Variants in ANXA7 observed in about 807,000 individuals in gnomAD.
ANXA7 encodes the protein annexin VII.
In ANXA7, 55 loss-of-function variants were observed where a neutral mutation model predicts 64.9. The observed-to-expected ratio is 0.85, with a 90% CI of 0.68 to 1.06. The LOEUF is 1.06. ANXA7 is among the 50% of genes least tolerant of loss of function. The probability of loss-of-function intolerance (pLI) is 0.00; values close to 1 mark genes in which losing one functional copy is unlikely to be tolerated. For synonymous variants in ANXA7, 200 were observed against 192.4 expected (o/e 1.04, Z -0.33); for missense variants, 548 against 582.1 (o/e 0.94, Z 0.60).
chr10:73,392,679 T>A (rs1384641214), intron 5 of ANXA7, among the ~76,000 whole-genome samples: 3 of 152,102 alleles, frequency 2.0e-5, no homozygotes, highest in Non-Finnish European at 4.4e-5. Context: ...CCTCAATAAA[T>A]TAGGTATTGA....
At chr10:73,395,142 T>C (rs1233682991) in intron 5 of ANXA7, among the ~76,000 whole-genome samples, 1 of 152,214 alleles carries the variant, frequency 6.6e-6, no homozygotes, top group Admixed American at 6.5e-5. Context: ...GAGAGACCGC[T>C]GGTCTAGAAG....
chr10:73,390,847 C>T (rs1022169676), intron 5 of ANXA7, among the ~76,000 whole-genome samples: 1 of 151,656 alleles, frequency 6.6e-6, no homozygotes, highest in Non-Finnish European at 1.5e-5. Context: ...AGAATACTGT[C>T]ATCTTCCAGG....
intron 7 of ANXA7, among the ~76,000 whole-genome samples, chr10:73,387,389 C>CCTGTAG (rs1237125793): frequency 1.3e-5 from 2 of 152,114 alleles, no homozygotes; most frequent in African/African-American, 4.8e-5. Flanking sequence ...ATGCTGTGCA[C>CCTGTAG]CTGTAGTCCC....
At chr10:73,396,700 A>ACCTGT in intron 4 of ANXA7, 117 bp from the exon 5 acceptor site, 1 of 595,916 alleles carries the variant, frequency 1.7e-6, no homozygotes, top group South Asian at 3.2e-5. Flanking sequence ...ACACTATGAT[A>ACCTGT]CTTATGAGGA....
chr10:73,392,499 C>A (rs1260066833), intron 5 of ANXA7, among the ~76,000 whole-genome samples: 2 of 152,172 alleles, frequency 1.3e-5, no homozygotes, highest in African/African-American at 4.8e-5. Flanking sequence ...AAAGCTTATC[C>A]ATCACGATCA....
intron 1 of ANXA7, among the ~76,000 whole-genome samples, chr10:73,412,577 T>G (rs1216494266): frequency 6.7e-6 from 1 of 149,044 alleles, no homozygotes; most frequent in East Asian, 2.0e-4. Context: ...CACTGCAACC[T>G]CTGCCTCCCG....
chr10:73,393,145 G>A (rs2055513773), intron 5 of ANXA7, among the ~76,000 whole-genome samples: 1 of 152,140 alleles, frequency 6.6e-6, no homozygotes, highest in African/African-American at 2.4e-5. Flanking sequence ...CAACTTACAA[G>A]GGATGTGAAG....
intron 1 of ANXA7, among the ~76,000 whole-genome samples, chr10:73,410,526 G>A (rs1340879375): frequency 1.3e-5 from 2 of 152,176 alleles, no homozygotes; most frequent in Non-Finnish European, 2.9e-5. Flanking sequence ...GCCCCCATCT[G>A]TAATCCCAGC....
rs1589658982 is a variant in ANXA7 at position 73,397,014 on chromosome 10, A to G, written c.370+150T>C. 54 of 481,722 alleles carry G rather than the reference A, an allele frequency of 1.1e-4. No homozygotes were observed. In the East Asian group the frequency reaches 1.7e-3, roughly 15 times the overall value. 29.8% of individuals were successfully genotyped at this position (481,722 alleles called of 1,614,324 possible). A position where few individuals can be genotyped will look rare whatever the true frequency, so the allele number is the denominator to read the frequency against. ...GATTAAACTTTTCCATCAATTTAAT[A>G]TATTTCATAAAACCATTATGTTTAA... On this transcript the variant is annotated intron_variant, in intron 4 of 12. Transcript: ENST00000372921.
Position 73,383,628 on chromosome 10 carries a change from G to A in ANXA7, c.696C>T (p.Leu232=). ...CATCGTAATACGTAGGAGGCATGAA[G>A]AGGGCCAGGATCAGTTCTTCCATAT... The part of the protein sequence containing the change: ...SGNMEELILA[L]FMPPTYYDAW... The change falls in exon 8 of 13, where the codon CTC becomes CTT. Residue 232 remains leucine (L), a synonymous_variant. Coordinates refer to ENST00000372921, the MANE Select transcript of ANXA7 (RefSeq NM_001156.5). The A allele has an allele frequency of 1.9e-6, 3 of 1,613,998 alleles. No homozygotes were observed. The highest frequency in any genetic ancestry group is 2.5e-6 in the Non-Finnish European group (3 of 1,179,908).
At chr10:73,393,797 C>T (rs753748635) in intron 5 of ANXA7, among the ~76,000 whole-genome samples, 3 of 152,046 alleles carry the variant, frequency 2.0e-5, no homozygotes, top group African/African-American at 2.4e-5. Context: ...ACATAAGCAT[C>T]GGCAAGGACT....
chr10:73,379,126 G>A (rs1370363982), intron 11 of ANXA7, 103 bp from the exon 12 acceptor site: 2 of 742,634 alleles, frequency 2.7e-6, no homozygotes, highest in African/African-American at 1.8e-5. Flanking sequence ...TATTTTCTCT[G>A]TAATCATCAC....
rs142703167 is a variant in ANXA7 at position 73,390,693 on chromosome 10, AATATAT to A, written c.436-2285_436-2280del. On this transcript the variant is annotated intron_variant, in intron 5 of 12. Transcript: ENST00000372921. ...CATTTTCTGTGATTCTCTTTTGTAA[AATATAT>A]ATATATATATATATATATATAAAAA... Among the ~76,000 whole-genome samples, 175 of 127,462 alleles carry A rather than the reference AATATAT, an allele frequency of 1.4e-3. 4 individuals are homozygous for A. The South Asian group carries it at 0.015, about 11-fold the overall frequency. The allele number at this position is 127,462 out of a possible 152,430, so 83.6% of individuals were successfully genotyped here.
chr10:73,378,369 C>T (rs1230782804), intron 12 of ANXA7, among the ~76,000 whole-genome samples: 2 of 127,814 alleles, frequency 1.6e-5, no homozygotes, highest in African/African-American at 3.2e-5. Flanking sequence ...CAGAGTGAGA[C>T]CATGTCTCAA....
chr10:73,398,175 A>AT lies in ANXA7; in HGVS notation c.259+5_259+6insA. On this transcript the variant is annotated splice_donor_region_variant and intron_variant, in intron 3 of 12. Transcript: ENST00000372921. ...ATCATTACTAATTCCGCAACCCGTA[A>AT]CTCACCTCCGGGATAGGATGGAGCT... 1 of 1,606,336 alleles carries AT rather than the reference A, an allele frequency of 6.2e-7. No homozygotes were observed. Among genetic ancestry groups the AT allele is most frequent in the Non-Finnish European group, 8.5e-7 (1 of 1,174,782 alleles).
At chr10:73,394,811 T>A (rs542192074) in intron 5 of ANXA7, among the ~76,000 whole-genome samples, 35 of 152,330 alleles carry the variant, frequency 2.3e-4, no homozygotes, top group African/African-American at 8.4e-4. Context: ...TATACATATG[T>A]AACAAACTTG....
chr10:73,401,759 C>T (rs561093817), intron 1 of ANXA7, among the ~76,000 whole-genome samples: 2 of 152,282 alleles, frequency 1.3e-5, no homozygotes, highest in East Asian at 3.9e-4. Flanking sequence ...ACCTTGGCCT[C>T]CCAAAGTGCT....
chr10:73,395,723 G>A (rs7096834), intron 5 of ANXA7: 42,101 of 408,902 alleles, frequency 0.1, 3,318 homozygotes, highest in East Asian at 0.29. Flanking sequence ...AAGGTGGAGG[G>A]TGCAGTGAGC....
At chr10:73,387,846 C>CT (rs775570274) in intron 6 of ANXA7, 63 bp from the exon 7 acceptor site, 35,027 of 541,382 alleles carry the variant, frequency 0.065, 31 homozygotes, top group Middle Eastern at 0.078. Context: ...TTGAGGTCAT[C>CT]TTTTTTTTTT....
Sources: gnomAD v4.1 joint callset for allele counts (sites outside exome capture counted in the v4.1 genomes callset) on GRCh38, gnomAD v4.1.1 for gene constraint, MANE v1.5 for transcripts, NCBI Gene and HGNC (gene_info 2026-07-23, HGNC 2026-07-21) for gene names.